The following FAM240A variants were observed in gnomAD, a reference collection of about 807,000 sequenced individuals.
FAM240A encodes the protein family with sequence similarity 240 member A, also known as protein FAM240A.
A neutral mutation model predicts 7.3 loss-of-function variants in FAM240A; 8 were observed. The observed-to-expected ratio is 1.09, with a 90% confidence interval of 0.64 to 1.97. The LOEUF is 1.97. Among genes scored for constraint, FAM240A ranks in the 30% most tolerant of loss-of-function variants. The pLI is 0.00. For missense variants in FAM240A, 90 were observed against 102.2 expected (o/e 0.88, Z 0.52); for synonymous variants, 32 against 35.9 (o/e 0.89, Z 0.38).
In FAM240A at chr3:46,617,293, A is replaced by G; in HGVS notation, c.126A>G (p.Ser42=). ...EIGKQTYYRE[S]EERRLGRSAL... is the part of the protein sequence containing the mutation. The stretch of plus-strand genomic sequence containing the variant: ...GCAAACAGACTTACTACCGAGAATC[A>G]GAGGAACGTCGTCTGGGAAGAAGCG... Residue 42 remains serine, a synonymous_variant, in exon 2 of 3, where the codon TCA becomes TCG. Transcript: ENST00000640551. The G allele has an allele frequency of 6.5e-7, 1 of 1,534,946 alleles. No individual in the cohort carries two copies. The highest frequency in any genetic ancestry group is 8.7e-7 in the Non-Finnish European group (1 of 1,146,276).
chr3:46,614,584 C>G (rs150495935), intron 1 of FAM240A, among the ~76,000 whole-genome samples: 1 of 152,170 alleles, frequency 6.6e-6, no homozygotes, highest in South Asian at 2.1e-4. Flanking sequence ...CATGTATCTC[C>G]CATTTTACAC....
intron 1 of FAM240A, 143 bp from the exon 2 acceptor site, chr3:46,617,040 A>G (rs1418355218): frequency 1.7e-6 from 1 of 578,660 alleles, no homozygotes; most frequent in Admixed American, 3.4e-5. Flanking sequence ...TGACTTTTAA[A>G]CAGTCAAATT....
intron 1 of FAM240A, among the ~76,000 whole-genome samples, chr3:46,616,848 A>G (rs567940111): frequency 6.6e-6 from 1 of 152,094 alleles, no homozygotes; most frequent in Non-Finnish European, 1.5e-5. Flanking sequence ...TTATATAATT[A>G]CTTCTTTTCC....
intron 1 of FAM240A, among the ~76,000 whole-genome samples, chr3:46,613,534 G>C (rs1424407744): frequency 1.6e-5 from 1 of 61,926 alleles, no homozygotes; most frequent in Non-Finnish European, 4.1e-5. Context: ...TAAAAAACAA[G>C]ACACAGAACA....
chr3:46,621,238 A>G (rs1257197075), intron 2 of FAM240A, among the ~76,000 whole-genome samples: 2 of 152,172 alleles, frequency 1.3e-5, no homozygotes, highest in Non-Finnish European at 2.9e-5. Flanking sequence ...GAAGTGTAAT[A>G]TCTTCACAGT....
In FAM240A at chr3:46,625,299, C is replaced by T; in HGVS notation, c.*81C>T. 1 of 987,412 alleles carries T rather than the reference C, an allele frequency of 1.0e-6. No individual in the cohort carries two copies. The highest frequency in any genetic ancestry group is 1.4e-5 in the South Asian group (1 of 69,212). 61.2% of individuals were successfully genotyped at this position (987,412 alleles called of 1,614,324 possible). A position where few individuals can be genotyped will look rare whatever the true frequency, so the allele number is the denominator to read the frequency against. On this transcript the variant is annotated 3_prime_UTR_variant, in exon 3 of 3. Coordinates refer to ENST00000640551, the MANE Select transcript of FAM240A (RefSeq NM_001195442.2). ...GAAGTCAGTGCAAATTCCTGAGTCC[C>T]TTTGCTATACCAATCAGCTCTCACA...
chr3:46,616,965 C>T (rs1697636603), intron 1 of FAM240A, among the ~76,000 whole-genome samples: 1 of 152,194 alleles, frequency 6.6e-6, no homozygotes. Flanking sequence ...TACTAATTTA[C>T]ATTCCTACCA....
chr3:46,616,715 A>T (rs906289165), intron 1 of FAM240A, among the ~76,000 whole-genome samples: 1 of 151,842 alleles, frequency 6.6e-6, no homozygotes, highest in African/African-American at 2.4e-5. Context: ...ACACACACAC[A>T]CACACACACA....
At position 46,612,671 on chromosome 3, in the gene FAM240A, T is replaced by G. The variant is rs560761401; in HGVS notation, c.-13T>G. The G allele has an allele frequency of 7.8e-6, 12 of 1,535,586 alleles. No homozygotes were observed. The Admixed American group carries it at 9.8e-5, about 13-fold the overall frequency. ...CATTTGGTTCGACTGAATCGATGTC[T>G]TCACATCCCTTCATGCGGTTGTTCT... On this transcript the variant is annotated 5_prime_UTR_variant, in exon 1 of 3. Transcript: ENST00000640551.
chr3:46,615,672 C>T (rs1106664), intron 1 of FAM240A, among the ~76,000 whole-genome samples: 9,794 of 152,276 alleles, frequency 0.064, 309 homozygotes, highest in Admixed American at 0.077. Flanking sequence ...CATCTCCCCA[C>T]ACTCTTCTGC....
At chr3:46,623,367 T>C (rs1161569605) in intron 2 of FAM240A, among the ~76,000 whole-genome samples, 1 of 152,202 alleles carries the variant, frequency 6.6e-6, no homozygotes, top group Non-Finnish European at 1.5e-5. Flanking sequence ...AAAGAATGTG[T>C]GTTCTGCCGT....
intron 2 of FAM240A, among the ~76,000 whole-genome samples, chr3:46,623,112 T>C (rs527836899): frequency 6.6e-6 from 1 of 152,280 alleles, no homozygotes; most frequent in South Asian, 2.1e-4. Flanking sequence ...TATTTTGTAT[T>C]TTTGATATTA....
At chr3:46,616,132 C>T (rs904730447) in intron 1 of FAM240A, among the ~76,000 whole-genome samples, 5 of 152,226 alleles carry the variant, frequency 3.3e-5, no homozygotes, top group Non-Finnish European at 5.9e-5. Context: ...AGGGCAGAGG[C>T]GTTTGCCAGG....
At chr3:46,622,026 CTTCTT>C (rs1177403922) in intron 2 of FAM240A, among the ~76,000 whole-genome samples, 13 of 140,642 alleles carry the variant, frequency 9.2e-5, no homozygotes, top group African/African-American at 3.2e-4. Flanking sequence ...TTATCATTGT[CTTCTT>C]TTCATTTTCT....
At chr3:46,619,539 G>C (rs1697672214) in intron 2 of FAM240A, among the ~76,000 whole-genome samples, 1 of 152,180 alleles carries the variant, frequency 6.6e-6, no homozygotes, top group Admixed American at 6.5e-5. Flanking sequence ...ACTGGTCAGG[G>C]AGGTGACACA....
intron 2 of FAM240A, among the ~76,000 whole-genome samples, 172 bp from the exon 3 acceptor site, chr3:46,624,956 G>T (rs1214532234): frequency 2.7e-5 from 3 of 109,640 alleles, no homozygotes; most frequent in African/African-American, 1.1e-4. Flanking sequence ...AAATAAATAT[G>T]AATAAATTAT....
chr3:46,615,329 T>C (rs1106666), intron 1 of FAM240A, among the ~76,000 whole-genome samples: 19 of 150,036 alleles, frequency 1.3e-4, no homozygotes, highest in African/African-American at 3.9e-4. Flanking sequence ...CCACTCCCCA[T>C]AGCCCTCCTC....
At chr3:46,625,020 G>T in intron 2 of FAM240A, 108 bp from the exon 3 acceptor site, 2 of 614,320 alleles carry the variant, frequency 3.3e-6, no homozygotes, top group African/African-American at 1.9e-5. Flanking sequence ...TTTAAAACCT[G>T]AACACATACA....
At chr3:46,620,630 C>G (rs902788978) in intron 2 of FAM240A, among the ~76,000 whole-genome samples, 1 of 120,756 alleles carries the variant, frequency 8.3e-6, no homozygotes, top group Non-Finnish European at 1.8e-5. Flanking sequence ...TGTGCATACT[C>G]TGGCAGAACA....
Sources: allele counts gnomAD v4.1 joint callset (sites outside exome capture counted in the v4.1 genomes callset), GRCh38; gene constraint gnomAD v4.1.1; transcripts MANE v1.5; gene names NCBI Gene and HGNC (gene_info 2026-07-23, HGNC 2026-07-21).